The following EPHB1 variants were observed in gnomAD, a reference collection of about 807,000 sequenced individuals.
The protein encoded by EPHB1 is EPH receptor B1.
Under a neutral mutation model 94.4 loss-of-function variants are expected in EPHB1, and 30 were observed. That is an observed-to-expected ratio of 0.32 (90% CI 0.24 to 0.43). The LOEUF is 0.43. Among genes scored for constraint, EPHB1 ranks in the 20% least tolerant of loss-of-function variants. The probability of loss-of-function intolerance (pLI) is 1.00; values close to 1 mark genes in which losing one functional copy is unlikely to be tolerated. For missense variants in EPHB1, 1,055 were observed against 1,308.3 expected (o/e 0.81, Z 2.99); for synonymous variants, 522 against 489.1 (o/e 1.07, Z -0.89).
At chr3:134,971,088 T>G (rs1933954228) in intron 3 of EPHB1, among the ~76,000 whole-genome samples, 1 of 152,064 alleles carries the variant, frequency 6.6e-6, no homozygotes, top group African/African-American at 2.4e-5. Flanking sequence ...GGAAAGCTGT[T>G]TAGGAGGCAA....
intron 1 of EPHB1, among the ~76,000 whole-genome samples, chr3:134,892,731 T>G (rs994466177): frequency 4.6e-5 from 7 of 152,192 alleles, no homozygotes; most frequent in Non-Finnish European, 8.8e-5. Context: ...TAGGTCTCTA[T>G]TCTCTGGCTT....
chr3:134,959,238 T>C (rs1042380912), intron 3 of EPHB1, among the ~76,000 whole-genome samples: 1 of 152,020 alleles, frequency 6.6e-6, no homozygotes, highest in Non-Finnish European at 1.5e-5. Context: ...ACCTCTGGGG[T>C]CTGAAACTGC....
At chr3:135,016,829 T>C (rs1028405356) in intron 3 of EPHB1, among the ~76,000 whole-genome samples, 18 of 152,150 alleles carry the variant, frequency 1.2e-4, no homozygotes, top group Non-Finnish European at 1.5e-5. Flanking sequence ...CCATGTGATG[T>C]CTCTTCCTTA....
intron 1 of EPHB1, among the ~76,000 whole-genome samples, chr3:134,806,741 A>C (rs1578100322): frequency 6.6e-6 from 1 of 152,232 alleles, no homozygotes; most frequent in East Asian, 1.9e-4. Context: ...AATATTGTTA[A>C]TCTCCTACTA....
chr3:134,920,120 T>G (rs2038653948), intron 1 of EPHB1, among the ~76,000 whole-genome samples: 1 of 152,126 alleles, frequency 6.6e-6, no homozygotes, highest in Non-Finnish European at 1.5e-5. Context: ...GGCTGCAAGC[T>G]CCCTGAGGGC....
chr3:134,893,429 T>C lies in EPHB1; in HGVS notation c.59-32387T>C, dbSNP rs527315502. Among the ~76,000 whole-genome samples the C allele has an allele frequency of 9.2e-5, 14 of 152,322 alleles. 1 individual carries two copies. The highest frequency in any genetic ancestry group is 3.1e-4 in the African/African-American group (13 of 41,576). On this transcript the variant is annotated intron_variant, in intron 1 of 15. Transcript: ENST00000398015. ...AACAAAGAACAACCTTAATGTGGCC[T>C]GCAAGGTCCAGCCTGCCTGATCTCC...
intron 3 of EPHB1, among the ~76,000 whole-genome samples, chr3:134,975,946 T>C (rs1934174259): frequency 6.6e-6 from 1 of 151,418 alleles, no homozygotes; most frequent in Non-Finnish European, 1.5e-5. Flanking sequence ...GAAAGGGAAA[T>C]AAAGACAGAG....
rs1578131134 is a variant in EPHB1, at chr3:134,844,200, G to A, written c.58+48511G>A. On this transcript the variant is annotated intron_variant, in intron 1 of 15. Transcript: ENST00000398015. The stretch of plus-strand genomic sequence containing the variant: ...TATGTCTTGCTTCTTAGAGGTCTGT[G>A]TGGGTTAACGGTCTGCCAATGATTA... 3.3e-5 allele frequency among the ~76,000 whole-genome samples: 5 copies of A among 152,336 alleles called. 1 individual carries two copies. The highest frequency in any genetic ancestry group is 1.2e-4 in the African/African-American group (5 of 41,576).
At chr3:134,805,944 G>T (rs78195554) in intron 1 of EPHB1, among the ~76,000 whole-genome samples, 1 of 152,152 alleles carries the variant, frequency 6.6e-6, no homozygotes, top group South Asian at 2.1e-4. Flanking sequence ...CCACAGCTCC[G>T]TGAGCCTCTG....
intron 1 of EPHB1, among the ~76,000 whole-genome samples, chr3:134,879,623 G>T (rs534357892): frequency 6.6e-6 from 1 of 152,236 alleles, no homozygotes; most frequent in East Asian, 1.9e-4. Context: ...CTGTACTCCA[G>T]CCTGGGAGAC....
At chr3:134,804,026 C>T (rs990943166) in intron 1 of EPHB1, among the ~76,000 whole-genome samples, 15 of 149,532 alleles carry the variant, frequency 1.0e-4, no homozygotes, top group Admixed American at 7.3e-4. Context: ...TTGCCTTTCC[C>T]ATGTGCCCCT....
intron 3 of EPHB1, among the ~76,000 whole-genome samples, chr3:134,990,471 C>T (rs140216095): frequency 2.6e-5 from 4 of 152,158 alleles, no homozygotes; most frequent in East Asian, 3.9e-4. Context: ...TATTGTGAGC[C>T]GTTTCTTTGT....
At chr3:134,869,579 T>G (rs2037455583) in intron 1 of EPHB1, among the ~76,000 whole-genome samples, 1 of 152,196 alleles carries the variant, frequency 6.6e-6, no homozygotes, top group Non-Finnish European at 1.5e-5. Context: ...GCCATTCAGC[T>G]CTGGTCATCT....
chr3:135,170,822 G>T (rs1192829190), intron 9 of EPHB1, among the ~76,000 whole-genome samples: 3 of 152,190 alleles, frequency 2.0e-5, no homozygotes, highest in African/African-American at 7.2e-5. Context: ...AATGTGTAGG[G>T]GTAGGGAGAG....
chr3:135,074,930 A>G (rs1343824723), intron 3 of EPHB1, among the ~76,000 whole-genome samples: 1 of 152,210 alleles, frequency 6.6e-6, no homozygotes, highest in Non-Finnish European at 1.5e-5. Context: ...AGAGCCTACC[A>G]TGCACAATCC....
chr3:135,098,580 A>G (rs565091974), intron 3 of EPHB1, among the ~76,000 whole-genome samples: 8 of 152,122 alleles, frequency 5.3e-5, no homozygotes, highest in South Asian at 2.1e-4. Context: ...ATGAACATCA[A>G]TGAACATAAA....
intron 3 of EPHB1, among the ~76,000 whole-genome samples, chr3:135,011,796 T>C (rs989766842): frequency 2.6e-5 from 4 of 152,230 alleles, no homozygotes; most frequent in Admixed American, 2.0e-4. Flanking sequence ...GTGAGTCTGC[T>C]TTCATTGTTC....
chr3:134,964,004 G>C (rs6775121), intron 3 of EPHB1, among the ~76,000 whole-genome samples: 5 of 152,046 alleles, frequency 3.3e-5, no homozygotes, highest in African/African-American at 9.7e-5. Flanking sequence ...TCACATTCCC[G>C]TTCCTCTACT....
chr3:134,940,700 C>T (rs2039096923), intron 2 of EPHB1, among the ~76,000 whole-genome samples: 1 of 152,212 alleles, frequency 6.6e-6, no homozygotes, highest in Non-Finnish European at 1.5e-5. Context: ...CCACTGCCAG[C>T]TGTCACTCTA....
Sources: gnomAD v4.1 joint callset for allele counts (sites outside exome capture counted in the v4.1 genomes callset) on GRCh38, gnomAD v4.1.1 for gene constraint, MANE v1.5 for transcripts, NCBI Gene and HGNC (gene_info 2026-07-23, HGNC 2026-07-21) for gene names.